SEC14L5: variants seen among roughly 807,000 people sequenced by gnomAD.
SEC14L5 encodes SEC14-like protein 5.
SEC14L5 carries 96 observed loss-of-function variants against 84.6 expected under a neutral mutation model. That is an observed-to-expected ratio of 1.13 (90% CI 0.96 to 1.34). The LOEUF is 1.34. Among genes scored for constraint, SEC14L5 ranks in the 40% most tolerant of loss-of-function variants. SEC14L5 has a pLI of 0.00. For missense variants in SEC14L5, 1,224 were observed against 942.5 expected (o/e 1.30, Z -3.91); for synonymous variants, 546 against 383.4 (o/e 1.42, Z -4.95).
chr16:5,002,924 T>A (rs1955692520), intron 10 of SEC14L5, among the ~76,000 whole-genome samples: 1 of 152,202 alleles, frequency 6.6e-6, no homozygotes, highest in South Asian at 2.1e-4. Context: ...TGTTTTGAAT[T>A]TTTGCAATCA....
chr16:5,012,150 G>A (rs1256928850), intron 15 of SEC14L5, among the ~76,000 whole-genome samples: 1 of 152,108 alleles, frequency 6.6e-6, no homozygotes, highest in East Asian at 1.9e-4. Flanking sequence ...CCAAGGAGGG[G>A]TCCCATAGTT....
intron 2 of SEC14L5, among the ~76,000 whole-genome samples, chr16:4,984,276 G>A (rs1955462377): frequency 6.6e-6 from 1 of 152,074 alleles, no homozygotes; most frequent in Non-Finnish European, 1.5e-5. Context: ...TCATATAAAA[G>A]GATTCATGCA....
In SEC14L5 at chr16:4,996,421, C is replaced by A. The variant is rs774490844; in HGVS notation, c.741C>A (p.Ile247=). ...HLTPMQESCL[I]QLRHWLQETH... The stretch of plus-strand genomic sequence containing the variant: ...CGCCCATGCAGGAGAGCTGCCTGAT[C>A]CAGCTTCGGCACTGGTTACAGGAGA... The change falls in exon 7 of 16, where the codon ATC becomes ATA. Residue 247 remains isoleucine (I), a synonymous_variant. Transcript: ENST00000251170. 1.9e-6 allele frequency: 3 copies of A among 1,573,324 alleles called. No homozygotes were observed. Among genetic ancestry groups the A allele is most frequent in the Non-Finnish European group, 2.6e-6 (3 of 1,160,262 alleles).
intron 11 of SEC14L5, 26 bp downstream of exon 11, chr16:5,003,599 C>A: frequency 1.3e-6 from 1 of 788,564 alleles, no homozygotes; most frequent in South Asian, 1.7e-5. Flanking sequence ...TGGGCCAGGA[C>A]TCTCCCTGGG....
chr16:4,998,663 G>A (rs926013790), intron 8 of SEC14L5, among the ~76,000 whole-genome samples: 15 of 141,906 alleles, frequency 1.1e-4, no homozygotes, highest in African/African-American at 3.2e-4. Flanking sequence ...GCGTGAACCC[G>A]GGAGGCGGAG....
rs751395047 is a variant in SEC14L5, at chr16:5,000,837, A to G, written c.1060-18A>G. ...AGCAGCGAGGCGGACGTTGAGCAGC[A>G]CTGTCTCTCCCTTCCAGGTTCTCTC... On this transcript the variant is annotated intron_variant, in intron 9 of 15. Coordinates refer to ENST00000251170, the MANE Select transcript of SEC14L5 (RefSeq NM_014692.2). The G allele has an allele frequency of 3.3e-5, 53 of 1,595,876 alleles. No homozygotes were observed. In the South Asian group the frequency reaches 3.5e-4, roughly 11 times the overall value.
intron 2 of SEC14L5, among the ~76,000 whole-genome samples, chr16:4,977,016 A>G (rs982668195): frequency 1.3e-5 from 2 of 152,200 alleles, no homozygotes; most frequent in Non-Finnish European, 2.9e-5. Context: ...GAGGTATGAA[A>G]GGCACAGGGG....
intron 15 of SEC14L5, among the ~76,000 whole-genome samples, chr16:5,014,418 G>A (rs1330695988): frequency 6.6e-6 from 1 of 152,224 alleles, no homozygotes; most frequent in East Asian, 1.9e-4. Context: ...GGATGGCGCT[G>A]CCCTGAGGTT....
chr16:4,995,655 C>G (rs577759004), intron 6 of SEC14L5, among the ~76,000 whole-genome samples: 338 of 141,010 alleles, frequency 2.4e-3, no homozygotes, highest in Non-Finnish European at 4.1e-3. Context: ...AAGACGGAGT[C>G]TCACTCTGTT....
intron 15 of SEC14L5, among the ~76,000 whole-genome samples, chr16:5,012,219 A>C (rs1285825608): frequency 6.6e-6 from 1 of 152,110 alleles, no homozygotes; most frequent in African/African-American, 2.4e-5. Context: ...ATCGGTCCTC[A>C]GTGTGAGGCG....
At chr16:4,992,661 T>C (rs895808227) in intron 6 of SEC14L5, among the ~76,000 whole-genome samples, 1 of 152,256 alleles carries the variant, frequency 6.6e-6, no homozygotes, top group African/African-American at 2.4e-5. Context: ...TTACTAATTA[T>C]TACGATTGCT....
intron 2 of SEC14L5, among the ~76,000 whole-genome samples, chr16:4,959,878 C>A (rs149566187): frequency 1.3e-5 from 2 of 151,490 alleles, no homozygotes; most frequent in Admixed American, 1.3e-4. Flanking sequence ...TCTGTATCTA[C>A]GCAGAGGTGG....
At chr16:5,005,062 G>A (rs553846950) in intron 11 of SEC14L5, among the ~76,000 whole-genome samples, 1 of 152,346 alleles carries the variant, frequency 6.6e-6, no homozygotes, top group African/African-American at 2.4e-5. Flanking sequence ...TGTAATCCCA[G>A]TACTTTGAGA....
intron 2 of SEC14L5, among the ~76,000 whole-genome samples, chr16:4,965,946 G>T (rs1477117099): frequency 6.6e-6 from 1 of 152,042 alleles, no homozygotes. Flanking sequence ...GGAAACTGAG[G>T]CAGGAGGATC....
chr16:4,981,187 A>G (rs2908647), intron 2 of SEC14L5, among the ~76,000 whole-genome samples: 105,988 of 149,308 alleles, frequency 0.71, 37,391 homozygotes, highest in South Asian at 0.81. Flanking sequence ...TGCGATCTCC[A>G]CTCACTGCAA....
chr16:4,977,659 A>C (rs1284883039), intron 2 of SEC14L5, among the ~76,000 whole-genome samples: 1 of 151,938 alleles, frequency 6.6e-6, no homozygotes, highest in African/African-American at 2.4e-5. Flanking sequence ...GGTAGAGCCC[A>C]GGACCTGTGA....
At chr16:4,968,130 C>T (rs1362024262) in intron 2 of SEC14L5, among the ~76,000 whole-genome samples, 1 of 151,196 alleles carries the variant, frequency 6.6e-6, no homozygotes, top group African/African-American at 2.4e-5. Flanking sequence ...AGTGATTCTC[C>T]CACCTCAGCC....
rs1362095468 is a variant in SEC14L5 at position 5,014,957 on chromosome 16, T to C, written c.2078T>C (p.Leu693Pro). The part of the protein sequence containing the change: ...SSSGQSHSSS[L>P]VSR The stretch of plus-strand genomic sequence containing the variant: ...TCCGGCCAGTCTCATAGCAGCTCCC[T>C]GGTCTCCAGATAGCCGGGCCCAGTG... Residue 693 changes from leucine to proline, a missense_variant, in exon 16 of 16, where the codon CTG (leucine) becomes CCG (proline). Transcript: ENST00000251170. 2 of 1,610,916 alleles carry C rather than the reference T, an allele frequency of 1.2e-6. No individual in the cohort carries two copies. The highest frequency in any genetic ancestry group is 1.7e-6 in the Non-Finnish European group (2 of 1,179,670).
chr16:4,969,213 T>C (rs1356639295), intron 2 of SEC14L5, among the ~76,000 whole-genome samples: 4 of 152,236 alleles, frequency 2.6e-5, no homozygotes. Context: ...CTGAAATAAG[T>C]GTAAGGCCCT....
Sources: gnomAD v4.1 joint callset for allele counts (sites outside exome capture counted in the v4.1 genomes callset) on GRCh38, gnomAD v4.1.1 for gene constraint, MANE v1.5 for transcripts, NCBI Gene and HGNC (gene_info 2026-07-23, HGNC 2026-07-21) for gene names.